MDGA2: variants seen among roughly 807,000 people sequenced by gnomAD.
The protein encoded by MDGA2 is MAM domain containing glycosylphosphatidylinositol anchor 2.
A neutral mutation model predicts 117.8 loss-of-function variants in MDGA2; 40 were observed. The observed-to-expected ratio is 0.34, with a 90% confidence interval of 0.26 to 0.44. The LOEUF (loss-of-function observed/expected upper bound fraction) is 0.44. Among genes scored for constraint, MDGA2 ranks in the 20% least tolerant of loss-of-function variants. The pLI is 1.00. For synonymous variants in MDGA2, 452 were observed against 439.0 expected (o/e 1.03, Z -0.37); for missense variants, 1,123 against 1,250.6 (o/e 0.90, Z 1.54).
chr14:47,306,649 A>G (rs1036338311), intron 1 of MDGA2, among the ~76,000 whole-genome samples: 2 of 152,262 alleles, frequency 1.3e-5, no homozygotes, highest in African/African-American at 4.8e-5. Flanking sequence ...ACACTAGGTC[A>G]ATGTAACTTA....
At chr14:46,989,196 GT>G (rs1227242727) in intron 8 of MDGA2, among the ~76,000 whole-genome samples, 11 of 151,864 alleles carry the variant, frequency 7.2e-5, no homozygotes, top group Admixed American at 4.0e-4. Flanking sequence ...TGTCTATGTA[GT>G]TTTCCCCAAT....
At chr14:47,188,357 G>A (rs559822523) in intron 3 of MDGA2, among the ~76,000 whole-genome samples, 1 of 152,318 alleles carries the variant, frequency 6.6e-6, no homozygotes, top group African/African-American at 2.4e-5. Context: ...TCTAAGAGAA[G>A]GTGGTTACTA....
At chr14:47,672,957 C>A (rs937804161) in intron 1 of MDGA2, among the ~76,000 whole-genome samples, 4 of 152,120 alleles carry the variant, frequency 2.6e-5, no homozygotes, top group Admixed American at 2.0e-4. Flanking sequence ...ATACACACGT[C>A]CCCCCATTAC....
At chr14:47,128,425 CCA>C (rs1882015214) in intron 5 of MDGA2, among the ~76,000 whole-genome samples, 1 of 151,802 alleles carries the variant, frequency 6.6e-6, no homozygotes. Context: ...ATCCCATAGG[CCA>C]TACTTTCATT....
chr14:47,432,156 T>G (rs1181001790), intron 1 of MDGA2, among the ~76,000 whole-genome samples: 1 of 152,050 alleles, frequency 6.6e-6, no homozygotes, highest in Non-Finnish European at 1.5e-5. Flanking sequence ...TTAAAGACTG[T>G]AGAATAACTA....
chr14:47,659,237 A>G (rs774157306), intron 1 of MDGA2, among the ~76,000 whole-genome samples: 10 of 152,186 alleles, frequency 6.6e-5, no homozygotes, highest in Non-Finnish European at 1.5e-4. Flanking sequence ...GCAGAGCACA[A>G]TAGTAGGTTG....
rs762881389 is a variant in MDGA2, at chr14:47,218,215, G to A, written c.421-20C>T. On this transcript the variant is annotated intron_variant, in intron 2 of 16. Coordinates refer to ENST00000399232, the MANE Select transcript of MDGA2 (RefSeq NM_001113498.3). ...CCTGATCTGAGCAAGCATCAACAAA[G>A]ATTGTTACTTTAGGTTGGTTTTCCC... 3 of 1,491,910 alleles carry A rather than the reference G, an allele frequency of 2.0e-6. No homozygotes were observed. Among genetic ancestry groups the A allele is most frequent in the Non-Finnish European group, 2.7e-6 (3 of 1,114,144 alleles). The allele number at this position is 1,491,910 out of a possible 1,614,324, so 92.4% of individuals were successfully genotyped here. A position where few individuals can be genotyped will look rare whatever the true frequency, so the allele number is the denominator to read the frequency against.
chr14:47,460,913 C>A (rs1893469439), intron 1 of MDGA2, among the ~76,000 whole-genome samples: 1 of 152,118 alleles, frequency 6.6e-6, no homozygotes. Flanking sequence ...TGTCCAAACA[C>A]ATTAATTATA....
In MDGA2 at chr14:47,409,166, T is replaced by C. The variant is rs553858283; in HGVS notation, c.281-107616A>G. Among the ~76,000 whole-genome samples, 376 of 152,222 alleles carry C rather than the reference T, an allele frequency of 2.5e-3. 1 individual carries two copies. The highest frequency in any genetic ancestry group is 4.1e-3 in the Non-Finnish European group (281 of 68,014). ...GAAGATGTAGAGAAAGCAAATAATA[T>C]ATGATTTAAAAGCTTCAAGAGCCAA... is the stretch of plus-strand genomic sequence containing the variant. On this transcript the variant is annotated intron_variant, in intron 1 of 16. Coordinates refer to ENST00000399232, the MANE Select transcript of MDGA2 (RefSeq NM_001113498.3).
At chr14:46,863,101 C>A (rs1881577638) in intron 14 of MDGA2, among the ~76,000 whole-genome samples, 1 of 152,006 alleles carries the variant, frequency 6.6e-6, no homozygotes. Flanking sequence ...TCCATAAGCA[C>A]AGTATTCTCC....
chr14:47,248,618 ACTATATTGT>A (rs562656059), intron 2 of MDGA2, among the ~76,000 whole-genome samples: 72 of 146,428 alleles, frequency 4.9e-4, no homozygotes, highest in Admixed American at 2.4e-3. Flanking sequence ...CATCATGCAA[ACTATATTGT>A]CTGGGTTTTG....
At chr14:46,867,926 T>C (rs541311339) in intron 14 of MDGA2, among the ~76,000 whole-genome samples, 1 of 6,794 alleles carries the variant, frequency 1.5e-4, no homozygotes, top group Admixed American at 2.3e-3. Flanking sequence ...TCATCTTCTG[T>C]CTGTTTTTTT....
At chr14:47,209,960 C>T (rs577779158) in intron 3 of MDGA2, among the ~76,000 whole-genome samples, 5 of 152,226 alleles carry the variant, frequency 3.3e-5, no homozygotes, top group South Asian at 2.1e-4. Context: ...GGGTTTGTCA[C>T]GTTTCCAGAA....
At chr14:46,866,073 C>T (rs565948086) in intron 14 of MDGA2, among the ~76,000 whole-genome samples, 2 of 148,212 alleles carry the variant, frequency 1.3e-5, no homozygotes, top group South Asian at 2.2e-4. Flanking sequence ...AAAAAGAGCC[C>T]GCATCACCAA....
intron 8 of MDGA2, among the ~76,000 whole-genome samples, chr14:46,974,965 T>G (rs1248169616): frequency 6.6e-6 from 1 of 151,914 alleles, no homozygotes; most frequent in Non-Finnish European, 1.5e-5. Flanking sequence ...TGATAAGCAA[T>G]TAGTATGGAG....
intron 1 of MDGA2, among the ~76,000 whole-genome samples, chr14:47,542,145 A>T (rs1157435836): frequency 6.6e-6 from 1 of 152,210 alleles, no homozygotes; most frequent in Non-Finnish European, 1.5e-5. Context: ...AGAAACAATT[A>T]TTATTTTGTT....
chr14:47,303,861 T>C (rs527612735), intron 1 of MDGA2, among the ~76,000 whole-genome samples: 1 of 152,258 alleles, frequency 6.6e-6, no homozygotes, highest in Non-Finnish European at 1.5e-5. Flanking sequence ...CTTAGTATTG[T>C]TATTTTTAAG....
intron 1 of MDGA2, among the ~76,000 whole-genome samples, chr14:47,446,848 G>A (rs1275804379): frequency 1.3e-5 from 2 of 152,060 alleles, no homozygotes; most frequent in Non-Finnish European, 2.9e-5. Context: ...ATTTAAATTG[G>A]TGATATTAAT....
chr14:47,396,354 G>A (rs371966294), intron 1 of MDGA2, among the ~76,000 whole-genome samples: 82 of 152,060 alleles, frequency 5.4e-4, no homozygotes, highest in African/African-American at 1.9e-3. Context: ...CTAAAACCAT[G>A]AAAACCCTTT....
Sources: allele counts gnomAD v4.1 joint callset (sites outside exome capture counted in the v4.1 genomes callset), GRCh38; gene constraint gnomAD v4.1.1; transcripts MANE v1.5; gene names NCBI Gene and HGNC (gene_info 2026-07-23, HGNC 2026-07-21).